Variants in ZFPM2 observed in about 807,000 individuals in gnomAD.
ZFPM2 encodes the protein zinc finger protein ZFPM2.
ZFPM2 carries 20 observed loss-of-function variants against 98.6 expected under a neutral mutation model. The ratio of observed to expected loss-of-function variants is 0.20; its 90% CI spans 0.14 to 0.29. ZFPM2 has a LOEUF of 0.29. Ranked by LOEUF, ZFPM2 falls within the 10% of genes least tolerant of loss-of-function variation. ZFPM2 has a pLI of 1.00. For missense variants in ZFPM2, 1,310 were observed against 1,388.6 expected (o/e 0.94, Z 0.90); for synonymous variants, 518 against 502.7 (o/e 1.03, Z -0.41).
chr8:105,795,454 A>ATAGT (rs1053119354), intron 6 of ZFPM2, among the ~76,000 whole-genome samples: 2 of 152,012 alleles, frequency 1.3e-5, no homozygotes, highest in Non-Finnish European at 2.9e-5. Context: ...TAATGCTTCT[A>ATAGT]TAGTAGAAAA....
At chr8:105,701,211 G>C (rs1013094205) in intron 5 of ZFPM2, among the ~76,000 whole-genome samples, 4 of 152,134 alleles carry the variant, frequency 2.6e-5, no homozygotes, top group African/African-American at 9.7e-5. Flanking sequence ...CATCTGACAA[G>C]CAAAACCTAT....
intron 5 of ZFPM2, chr8:105,670,121 G>A (rs1200068113): frequency 6.6e-6 from 1 of 152,040 alleles, no homozygotes; most frequent in Non-Finnish European, 1.5e-5. Flanking sequence ...TCATATGTGA[G>A]ATAAGCACAA....
intron 2 of ZFPM2, among the ~76,000 whole-genome samples, chr8:105,427,873 T>C (rs1245567763): frequency 6.6e-6 from 1 of 152,192 alleles, no homozygotes; most frequent in Admixed American, 6.5e-5. Context: ...CCAGTTACAA[T>C]AATTTTAATA....
chr8:105,433,516 G>A (rs1358282645), intron 2 of ZFPM2, among the ~76,000 whole-genome samples: 2 of 152,130 alleles, frequency 1.3e-5, no homozygotes, highest in South Asian at 2.1e-4. Flanking sequence ...GGCTGGGCAC[G>A]GTGGCTCATG....
At chr8:105,540,761 C>T (rs1814560264) in intron 3 of ZFPM2, among the ~76,000 whole-genome samples, 1 of 152,088 alleles carries the variant, frequency 6.6e-6, no homozygotes, top group South Asian at 2.1e-4. Context: ...TAGTTCTTTC[C>T]TGTGAAACTT....
chr8:105,715,408 GA>G (rs201460894), intron 5 of ZFPM2, among the ~76,000 whole-genome samples: 14,052 of 109,528 alleles, frequency 0.13, 730 homozygotes, highest in East Asian at 0.34. Context: ...CCCATCTCTT[GA>G]AAAAAAAAAA....
intron 1 of ZFPM2, among the ~76,000 whole-genome samples, chr8:105,352,587 G>GT (rs111360013): frequency 0.049 from 6,859 of 141,050 alleles, 267 homozygotes; most frequent in African/African-American, 0.12. Context: ...CCATTTTACC[G>GT]TTTTTTTTTT....
intron 5 of ZFPM2, among the ~76,000 whole-genome samples, chr8:105,697,525 T>C (rs376682685): frequency 6.6e-5 from 10 of 152,142 alleles, no homozygotes; most frequent in African/African-American, 2.4e-4. Context: ...GTGTAGTAAT[T>C]TAGCCAGGCC....
At chr8:105,364,045 C>G (rs1810456719) in intron 1 of ZFPM2, among the ~76,000 whole-genome samples, 1 of 151,994 alleles carries the variant, frequency 6.6e-6, no homozygotes, top group Non-Finnish European at 1.5e-5. Flanking sequence ...TACAGCTAGG[C>G]ATAATCAGCC....
At chr8:105,511,802 G>A (rs904103999) in intron 3 of ZFPM2, among the ~76,000 whole-genome samples, 17 of 152,244 alleles carry the variant, frequency 1.1e-4, no homozygotes, top group Admixed American at 2.6e-4. Flanking sequence ...CCAGTAATCC[G>A]AAACCAGCAA....
intron 4 of ZFPM2, among the ~76,000 whole-genome samples, chr8:105,570,945 C>A (rs770687448): frequency 2.0e-5 from 3 of 152,106 alleles, no homozygotes; most frequent in Non-Finnish European, 4.4e-5. Context: ...TCCCAGAACT[C>A]CAAGGAGAAC....
intron 1 of ZFPM2, among the ~76,000 whole-genome samples, chr8:105,370,467 G>A (rs1159402469): frequency 6.6e-6 from 1 of 152,148 alleles, no homozygotes; most frequent in Admixed American, 6.5e-5. Flanking sequence ...ATGGAGGTTG[G>A]GCTACATAAA....
At chr8:105,440,032 T>C (rs1437630426) in intron 2 of ZFPM2, among the ~76,000 whole-genome samples, 3 of 152,234 alleles carry the variant, frequency 2.0e-5, no homozygotes, top group Non-Finnish European at 4.4e-5. Context: ...TAAACTGATA[T>C]TTTATTAAAT....
chr8:105,428,727 AAAGG>A (rs1280949288), intron 2 of ZFPM2, among the ~76,000 whole-genome samples: 1 of 152,214 alleles, frequency 6.6e-6, no homozygotes, highest in Non-Finnish European at 1.5e-5. Flanking sequence ...AAAAACGAAG[AAAGG>A]AAGGAAGGAA....
intron 1 of ZFPM2, among the ~76,000 whole-genome samples, chr8:105,326,845 AAT>A (rs143266803): frequency 0.041 from 6,033 of 148,166 alleles, 390 homozygotes; most frequent in African/African-American, 0.14. Flanking sequence ...ACAACTCATA[AAT>A]ATATATATAT....
chr8:105,596,213 G>C (rs989261168), intron 4 of ZFPM2, among the ~76,000 whole-genome samples: 2 of 151,948 alleles, frequency 1.3e-5, no homozygotes, highest in African/African-American at 4.8e-5. Flanking sequence ...TTCATGTCTG[G>C]TCCAGTCAGG....
At chr8:105,473,019 T>C (rs1812938953) in intron 3 of ZFPM2, among the ~76,000 whole-genome samples, 1 of 151,878 alleles carries the variant, frequency 6.6e-6, no homozygotes, top group Admixed American at 6.6e-5. Flanking sequence ...CTCAGTCTTC[T>C]GAGTGGCTAG....
intron 3 of ZFPM2, among the ~76,000 whole-genome samples, chr8:105,536,492 A>C (rs1046395327): frequency 2.6e-5 from 4 of 151,930 alleles, no homozygotes; most frequent in African/African-American, 9.7e-5. Flanking sequence ...AGGCCGTTTC[A>C]TAATGCTCAA....
chr8:105,339,695 G>T (rs1243678476), intron 1 of ZFPM2, among the ~76,000 whole-genome samples: 2 of 151,876 alleles, frequency 1.3e-5, no homozygotes, highest in Admixed American at 6.6e-5. Flanking sequence ...TGCAATGTGG[G>T]CTAAAACAAA....
Sources: allele counts gnomAD v4.1 joint callset (sites outside exome capture counted in the v4.1 genomes callset), GRCh38; gene constraint gnomAD v4.1.1; transcripts MANE v1.5; gene names NCBI Gene and HGNC (gene_info 2026-07-23, HGNC 2026-07-21).